Variants in STXBP5L observed in about 807,000 individuals in gnomAD.
STXBP5L encodes the protein syntaxin binding protein 5L, also known as syntaxin-binding protein 5-like.
In STXBP5L, 65 loss-of-function variants were observed where a neutral mutation model predicts 144.5. The observed-to-expected ratio is 0.45, with a 90% CI of 0.37 to 0.55. The LOEUF is 0.55. Among genes scored for constraint, STXBP5L ranks in the 20% least tolerant of loss-of-function variants. The pLI is 0.00. For synonymous variants in STXBP5L, 505 were observed against 469.6 expected, an observed-to-expected ratio of 1.08 and a Z score of -0.97; for missense variants, 1,298 against 1,405.5, an observed-to-expected ratio of 0.92 and a Z score of 1.22.
chr3:120,998,791 C>CTAG (rs1170235703), intron 3 of STXBP5L, among the ~76,000 whole-genome samples: 4 of 152,124 alleles, frequency 2.6e-5, no homozygotes, highest in Non-Finnish European at 5.9e-5. Flanking sequence ...GAACAAAAAT[C>CTAG]TAGGAATGCA....
At chr3:121,223,956 A>G (rs570571268) in intron 11 of STXBP5L, among the ~76,000 whole-genome samples, 2 of 152,128 alleles carry the variant, frequency 1.3e-5, no homozygotes, top group Non-Finnish European at 2.9e-5. Flanking sequence ...AAATAAATAA[A>G]TAAATCTAAA....
At chr3:121,003,123 A>G (rs1466847347) in intron 3 of STXBP5L, among the ~76,000 whole-genome samples, 1 of 152,198 alleles carries the variant, frequency 6.6e-6, no homozygotes, top group Non-Finnish European at 1.5e-5. Context: ...TCCCCGAGGA[A>G]TTGCCACACT....
At chr3:120,995,362 G>T (rs1270741958) in intron 3 of STXBP5L, among the ~76,000 whole-genome samples, 2 of 152,034 alleles carry the variant, frequency 1.3e-5, no homozygotes, top group South Asian at 4.1e-4. Context: ...CAACCAGGCT[G>T]ATCTTGAACT....
chr3:121,334,932 A>G (rs1324242209), intron 20 of STXBP5L, among the ~76,000 whole-genome samples: 3 of 152,238 alleles, frequency 2.0e-5, no homozygotes, highest in Non-Finnish European at 4.4e-5. Context: ...CCTATTTAAC[A>G]GAGTATTGGA....
chr3:121,056,522 A>G (rs940153516), intron 5 of STXBP5L, among the ~76,000 whole-genome samples: 2 of 152,230 alleles, frequency 1.3e-5, no homozygotes, highest in Non-Finnish European at 2.9e-5. Context: ...AACTGGATCC[A>G]TCTGAATTGG....
At chr3:121,055,831 T>C (rs893908630) in intron 5 of STXBP5L, among the ~76,000 whole-genome samples, 2 of 151,180 alleles carry the variant, frequency 1.3e-5, no homozygotes, top group African/African-American at 4.9e-5. Flanking sequence ...TCCTGAGGTG[T>C]GCACTATGAT....
chr3:121,185,039 T>A (rs539307395), intron 9 of STXBP5L, among the ~76,000 whole-genome samples: 1 of 152,346 alleles, frequency 6.6e-6, no homozygotes, highest in East Asian at 1.9e-4. Context: ...AGGCCTGCTT[T>A]ACAAGAGCTC....
intron 20 of STXBP5L, among the ~76,000 whole-genome samples, chr3:121,325,195 G>A (rs532503392): frequency 9.9e-5 from 15 of 151,966 alleles, no homozygotes; most frequent in East Asian, 7.7e-4. Context: ...AGGCATTATC[G>A]CAAAATGACT....
At chr3:121,359,429 A>G (rs544468191) in intron 20 of STXBP5L, among the ~76,000 whole-genome samples, 14 of 151,982 alleles carry the variant, frequency 9.2e-5, no homozygotes, top group African/African-American at 3.4e-4. Context: ...TGTTGATTGT[A>G]TCCTTTGCTG....
At chr3:121,191,281 C>A (rs2047668603) in intron 9 of STXBP5L, among the ~76,000 whole-genome samples, 2 of 152,216 alleles carry the variant, frequency 1.3e-5, no homozygotes, top group South Asian at 4.1e-4. Flanking sequence ...ACTCCCTCTG[C>A]AATCCTGGCA....
In STXBP5L at chr3:121,380,960, G is replaced by T. The variant is rs116782035; in HGVS notation, c.2348-333G>T. Among the ~76,000 whole-genome samples, 629 of 152,186 alleles carry T rather than the reference G, an allele frequency of 4.1e-3. 3 individuals carry two copies. Among genetic ancestry groups the T allele is most frequent in the African/African-American group, 0.014 (593 of 41,524 alleles). ...AATTTAAGTGATGTCAGAAATTCTTGTAACCATTACTATTTAGACTAAATC... is the reference window on the plus strand; with the variant it reads ...AATTTAAGTGATGTCAGAAATTCTTTTAACCATTACTATTTAGACTAAATC... On this transcript the variant is annotated intron_variant, in intron 21 of 26. Coordinates refer to ENST00000471454, the MANE Select transcript of STXBP5L (RefSeq NM_001308330.2).
chr3:121,266,980 A>G (rs1204273890), intron 18 of STXBP5L, among the ~76,000 whole-genome samples: 1 of 152,218 alleles, frequency 6.6e-6, no homozygotes, highest in Non-Finnish European at 1.5e-5. Context: ...AAACAGATGG[A>G]AAAACATTCC....
chr3:120,992,606 T>C (rs1943012663), intron 3 of STXBP5L, among the ~76,000 whole-genome samples: 1 of 152,160 alleles, frequency 6.6e-6, no homozygotes, highest in African/African-American at 2.4e-5. Context: ...TGCAGTTCTA[T>C]CCATGCTGCT....
intron 5 of STXBP5L, among the ~76,000 whole-genome samples, chr3:121,083,330 C>A (rs190829320): frequency 6.6e-6 from 1 of 152,044 alleles, no homozygotes; most frequent in Non-Finnish European, 1.5e-5. Context: ...TAAATTTGAA[C>A]GTTTTCCCTC....
At chr3:121,233,106 T>G (rs2049359094) in intron 11 of STXBP5L, among the ~76,000 whole-genome samples, 1 of 152,326 alleles carries the variant, frequency 6.6e-6, no homozygotes, top group Middle Eastern at 3.4e-3. Context: ...CAGATTGATA[T>G]GATATGGTTA....
chr3:120,994,926 T>C (rs1392572074), intron 3 of STXBP5L, among the ~76,000 whole-genome samples: 1 of 152,130 alleles, frequency 6.6e-6, no homozygotes, highest in Non-Finnish European at 1.5e-5. Flanking sequence ...GTTGGAAGAC[T>C]TTTTATTACT....
At chr3:121,365,233 T>C (rs1021900694) in intron 20 of STXBP5L, among the ~76,000 whole-genome samples, 1 of 151,914 alleles carries the variant, frequency 6.6e-6, no homozygotes, top group Non-Finnish European at 1.5e-5. Context: ...TTTATAGTTG[T>C]AGTGTCTTTC....
intron 5 of STXBP5L, among the ~76,000 whole-genome samples, chr3:121,073,351 GC>G (rs1237813576): frequency 1.3e-5 from 2 of 152,150 alleles, no homozygotes; most frequent in Non-Finnish European, 2.9e-5. Flanking sequence ...AGCCAGTGAT[GC>G]CCCCTCTGCT....
chr3:121,061,069 A>T (rs2041252034), intron 5 of STXBP5L, among the ~76,000 whole-genome samples: 1 of 151,826 alleles, frequency 6.6e-6, no homozygotes, highest in South Asian at 2.1e-4. Flanking sequence ...ATGTTAGGGT[A>T]TTGATTTTAG....
Sources: allele counts gnomAD v4.1 joint callset (sites outside exome capture counted in the v4.1 genomes callset), GRCh38; gene constraint gnomAD v4.1.1; transcripts MANE v1.5; gene names NCBI Gene and HGNC (gene_info 2026-07-23, HGNC 2026-07-21).